FAM135B: variants seen among roughly 807,000 people sequenced by gnomAD.
FAM135B encodes the protein family with sequence similarity 135 member B.
In FAM135B, 43 loss-of-function variants were observed where a neutral mutation model predicts 127.7. The ratio of observed to expected loss-of-function variants is 0.34; its 90% CI spans 0.26 to 0.43. The LOEUF is 0.43. Ranked by LOEUF, FAM135B falls within the 20% of genes least tolerant of loss-of-function variation. FAM135B has a pLI of 1.00. For missense variants in FAM135B, 1,558 were observed against 1,725.6 expected (o/e 0.90, Z 1.72); for synonymous variants, 670 against 665.1 (o/e 1.01, Z -0.11).
At chr8:138,299,400 C>T (rs1825710785) in intron 3 of FAM135B, among the ~76,000 whole-genome samples, 1 of 152,146 alleles carries the variant, frequency 6.6e-6, no homozygotes, top group African/African-American at 2.4e-5. Flanking sequence ...CTCCCCCCTC[C>T]AAACAACAAT....
intron 1 of FAM135B, among the ~76,000 whole-genome samples, chr8:138,398,047 T>C (rs1832941592): frequency 6.6e-6 from 1 of 152,082 alleles, no homozygotes; most frequent in Admixed American, 6.5e-5. Context: ...GAATGTAAAC[T>C]CCCTCCGGTC....
rs549269188 is a variant in FAM135B, at chr8:138,367,557, C to T, written c.77+350G>A. On this transcript the variant is annotated intron_variant, in intron 2 of 19. Coordinates refer to ENST00000395297, the MANE Select transcript of FAM135B (RefSeq NM_015912.4). ...TGCATCAGCATCAGTATTGAACACACTGACTCCTTTTTACCACAGCTACAC... is the reference window on the plus strand; with the variant it reads ...TGCATCAGCATCAGTATTGAACACATTGACTCCTTTTTACCACAGCTACAC... 238 of 428,388 alleles carry T rather than the reference C, an allele frequency of 5.6e-4. 2 individuals carry two copies. The East Asian group carries it at 0.01, about 19-fold the overall frequency. 26.5% of individuals were successfully genotyped at this position (428,388 alleles called of 1,614,324 possible).
Position 138,271,709 on chromosome 8 carries a change from G to A in FAM135B, c.158-5867C>T, listed in dbSNP as rs148960196. 3.1e-4 allele frequency among the ~76,000 whole-genome samples: 47 copies of A among 152,216 alleles called. 1 individual carries two copies. Among genetic ancestry groups the A allele is most frequent in the Non-Finnish European group, 2.9e-5 (2 of 68,004 alleles). On this transcript the variant is annotated intron_variant, in intron 3 of 19. Coordinates refer to ENST00000395297, the MANE Select transcript of FAM135B (RefSeq NM_015912.4). Reference sequence around the variant, plus strand: ...AATTCTGATTGAGGCGGCAAATTATGTAAAACAAACTGAGTTTGATCATAG... The same window carrying A: ...AATTCTGATTGAGGCGGCAAATTATATAAAACAAACTGAGTTTGATCATAG...
intron 2 of FAM135B, among the ~76,000 whole-genome samples, chr8:138,329,916 A>G (rs1828049329): frequency 6.6e-6 from 1 of 152,192 alleles, no homozygotes; most frequent in African/African-American, 2.4e-5. Flanking sequence ...TAGAAGGGAG[A>G]AGGGAGAGAG....
intron 2 of FAM135B, among the ~76,000 whole-genome samples, chr8:138,349,874 C>T (rs4909775): frequency 0.33 from 50,809 of 152,018 alleles, 8,847 homozygotes; most frequent in East Asian, 0.53. Flanking sequence ...ATTCACCTGC[C>T]ATAGTGTTCC....
chr8:138,225,760 G>A (rs1329692987), intron 7 of FAM135B, among the ~76,000 whole-genome samples: 1 of 152,158 alleles, frequency 6.6e-6, no homozygotes, highest in East Asian at 1.9e-4. Flanking sequence ...GAGACAAGGG[G>A]TGGGCAGTCT....
At chr8:138,220,376 G>A (rs1442385587) in intron 7 of FAM135B, among the ~76,000 whole-genome samples, 3 of 152,122 alleles carry the variant, frequency 2.0e-5, no homozygotes, top group Non-Finnish European at 2.9e-5. Flanking sequence ...AAGGTCCTAC[G>A]CATCAACTGC....
At chr8:138,325,034 C>T (rs1338665126) in intron 2 of FAM135B, among the ~76,000 whole-genome samples, 1 of 152,130 alleles carries the variant, frequency 6.6e-6, no homozygotes, top group African/African-American at 2.4e-5. Context: ...AGTCTGATTT[C>T]AAAGCCCATA....
At chr8:138,269,993 G>A (rs1823251408) in intron 3 of FAM135B, among the ~76,000 whole-genome samples, 1 of 152,154 alleles carries the variant, frequency 6.6e-6, no homozygotes, top group East Asian at 1.9e-4. Context: ...AGGCAGAAGA[G>A]AAAGCCACTT....
Sources: gnomAD v4.1 joint callset for allele counts (sites outside exome capture counted in the v4.1 genomes callset) on GRCh38, gnomAD v4.1.1 for gene constraint, MANE v1.5 for transcripts, NCBI Gene and HGNC (gene_info 2026-07-23, HGNC 2026-07-21) for gene names.